Variants in DOCK1 observed in about 807,000 individuals in gnomAD.
The protein encoded by DOCK1 is dedicator of cytokinesis 1.
In DOCK1, 138 loss-of-function variants were observed where a neutral mutation model predicts 262.7. That is an observed-to-expected ratio of 0.53 (90% CI 0.46 to 0.61). The LOEUF is 0.61. Among genes scored for constraint, DOCK1 ranks in the 20% least tolerant of loss-of-function variants. DOCK1 has a pLI of 0.00. For missense variants in DOCK1, 1,908 were observed against 2,370.7 expected, an observed-to-expected ratio of 0.80 and a Z score of 4.05; for synonymous variants, 866 against 867.4, an observed-to-expected ratio of 1.00 and a Z score of 0.03.
At position 127,373,682 on chromosome 10, in the gene DOCK1, T is replaced by C; in HGVS notation, c.3433-99T>C. The stretch of plus-strand genomic sequence containing the variant: ...TTCAAAGGCAGAGGGTAGCCATCTA[T>C]GATGATCTCTCTTGCCGATTTATGT... On this transcript the variant is annotated intron_variant, in intron 33 of 51. Transcript: ENST00000623213. 2.7e-6 allele frequency: 3 copies of C among 1,104,510 alleles called. No individual in the cohort carries two copies. The Admixed American group carries it at 6.1e-5, about 22-fold the overall frequency. The allele number at this position is 1,104,510 out of a possible 1,614,324, so 68.4% of individuals were successfully genotyped here.
rs1383014588 is a variant in DOCK1 at position 127,253,485 on chromosome 10, C to G, written c.2950-3850C>G. On this transcript the variant is annotated intron_variant, in intron 28 of 51. Coordinates refer to ENST00000623213, the MANE Select transcript of DOCK1 (RefSeq NM_001290223.2). ...GCATCAGATTCTGCAAGGAAAAGGG[C>G]TTATCTGACCTTACTCAGATTTCAC... 4.6e-5 allele frequency among the ~76,000 whole-genome samples: 7 copies of G among 152,294 alleles called. 1 individual carries two copies. The highest frequency in any genetic ancestry group is 2.0e-4 in the Admixed American group (3 of 15,298).
rs543778876 is a variant in DOCK1, at chr10:126,993,391, G to A, written c.473+2788G>A. ...CCACAGTAGTACTGACTCTATCCAC[G>A]CATTACTGACCCCTGCCCATACCAG... On this transcript the variant is annotated intron_variant, in intron 6 of 51. Transcript: ENST00000623213. 3.6e-4 allele frequency among the ~76,000 whole-genome samples: 55 copies of A among 152,218 alleles called. 1 individual carries two copies. The South Asian group carries it at 0.011, about 32-fold the overall frequency.
At chr10:126,988,279 G>C (rs2039555453) in intron 5 of DOCK1, 1 of 152,122 alleles carries the variant, frequency 6.6e-6, no homozygotes, top group Admixed American at 6.5e-5. Context: ...TGTTAAGCTT[G>C]TATTTCTATT....
chr10:126,955,743 G>T (rs968535156), intron 1 of DOCK1, among the ~76,000 whole-genome samples: 1 of 152,138 alleles, frequency 6.6e-6, no homozygotes, highest in African/African-American at 2.4e-5. Flanking sequence ...TATTCCTGCC[G>T]AGTGGTCACG....
intron 10 of DOCK1, chr10:127,001,135 T>C (rs1331822596): frequency 6.6e-6 from 1 of 152,230 alleles, no homozygotes. Context: ...CACTGTGATA[T>C]TTATTTTAAT....
chr10:127,444,418 G>GGACACTCCC, intron 50 of DOCK1, 139 bp downstream of exon 50: 1 of 1,171,406 alleles, frequency 8.5e-7, no homozygotes, highest in Non-Finnish European at 1.2e-6. Context: ...GGCTCCCTGG[G>GGACACTCCC]AGTGTCCCCT....
At chr10:127,428,863 G>A (rs2069038600) in intron 47 of DOCK1, among the ~76,000 whole-genome samples, 1 of 146,744 alleles carries the variant, frequency 6.8e-6, no homozygotes. Context: ...GGGGTGTCGT[G>A]TGGATTGGGG....
At chr10:127,267,870 C>A (rs2060421762) in intron 29 of DOCK1, among the ~76,000 whole-genome samples, 1 of 152,236 alleles carries the variant, frequency 6.6e-6, no homozygotes, top group South Asian at 2.1e-4. Flanking sequence ...AGTATAGGAC[C>A]CTCTGGTGTG....
chr10:127,126,469 G>A (rs2049968917), intron 26 of DOCK1, among the ~76,000 whole-genome samples: 1 of 152,082 alleles, frequency 6.6e-6, no homozygotes, highest in Admixed American at 6.5e-5. Context: ...AGTAGCTCAC[G>A]CCTGTAATCC....
chr10:127,026,232 G>A, intron 15 of DOCK1, 120 bp from the exon 16 acceptor site: 1 of 978,900 alleles, frequency 1.0e-6, no homozygotes, highest in Non-Finnish European at 1.6e-6. Flanking sequence ...TAGGTGTACA[G>A]TATTTTCACC....
Position 127,452,449 on chromosome 10 carries a change from A to G in DOCK1, c.*1022A>G, listed in dbSNP as rs1241133048. On this transcript the variant is annotated 3_prime_UTR_variant, in exon 52 of 52. Coordinates refer to ENST00000623213, the MANE Select transcript of DOCK1 (RefSeq NM_001290223.2). Reference sequence around the variant, plus strand: ...CTATATTTTTTTATTCACTATAATCATGATACTCTTCTAATAGACTTAAAA... The same window carrying G: ...CTATATTTTTTTATTCACTATAATCGTGATACTCTTCTAATAGACTTAAAA... The G allele has an allele frequency of 6.6e-6, 1 of 152,650 alleles. No individual in the cohort carries two copies. The highest frequency in any genetic ancestry group is 1.5e-5 in the Non-Finnish European group (1 of 68,038). 9.5% of individuals were successfully genotyped at this position (152,650 alleles called of 1,614,324 possible). A position where few individuals can be genotyped will look rare whatever the true frequency, so the allele number is the denominator to read the frequency against.
At chr10:126,948,986 C>T (rs978153632) in intron 1 of DOCK1, among the ~76,000 whole-genome samples, 14 of 152,114 alleles carry the variant, frequency 9.2e-5, no homozygotes, top group South Asian at 6.2e-4. Context: ...CGGGCCCACC[C>T]CCTGGACCCT....
chr10:127,058,941 A>C (rs188644707), intron 22 of DOCK1, among the ~76,000 whole-genome samples: 3 of 152,066 alleles, frequency 2.0e-5, no homozygotes, highest in Admixed American at 2.0e-4. Context: ...TTCATCCTTC[A>C]ATTTCACTTT....
intron 50 of DOCK1, among the ~76,000 whole-genome samples, chr10:127,444,604 G>A (rs112742014): frequency 8.5e-5 from 13 of 152,282 alleles, no homozygotes; most frequent in East Asian, 5.8e-4. Flanking sequence ...GCAGGAGGCC[G>A]TGGGCCTGCT....
chr10:127,332,279 GCAGGGCTGAC>G (rs889395798), intron 29 of DOCK1, among the ~76,000 whole-genome samples: 2 of 152,204 alleles, frequency 1.3e-5, no homozygotes, highest in Non-Finnish European at 2.9e-5. Flanking sequence ...CCTGTGTCCA[GCAGGGCTGAC>G]CAGAAGAAAG....
At chr10:127,209,279 A>G (rs1298791163) in intron 27 of DOCK1, among the ~76,000 whole-genome samples, 1 of 152,252 alleles carries the variant, frequency 6.6e-6, no homozygotes, top group African/African-American at 2.4e-5. Flanking sequence ...GAGTTTAAGA[A>G]TGAAAATGCA....
intron 1 of DOCK1, among the ~76,000 whole-genome samples, chr10:126,908,002 TAGAGA>T (rs1439747204): frequency 2.0e-5 from 3 of 152,144 alleles, no homozygotes; most frequent in Non-Finnish European, 4.4e-5. Context: ...GGGCTGAAGG[TAGAGA>T]AGAGAGTGGC....
intron 31 of DOCK1, among the ~76,000 whole-genome samples, chr10:127,345,142 C>T (rs755826979): frequency 9.2e-5 from 14 of 152,194 alleles, no homozygotes; most frequent in Admixed American, 5.9e-4. Flanking sequence ...AGCGTTCACA[C>T]GACGACAAAA....
chr10:127,072,642 A>T (rs780215883), intron 23 of DOCK1, among the ~76,000 whole-genome samples: 2 of 152,126 alleles, frequency 1.3e-5, no homozygotes, highest in Admixed American at 6.5e-5. Flanking sequence ...TATGGTTTGG[A>T]GAGAACTGTG....
Sources: allele counts gnomAD v4.1 joint callset (sites outside exome capture counted in the v4.1 genomes callset), GRCh38; gene constraint gnomAD v4.1.1; transcripts MANE v1.5; gene names NCBI Gene and HGNC (gene_info 2026-07-23, HGNC 2026-07-21).